CHN2: variants seen among roughly 807,000 people sequenced by gnomAD.
CHN2 encodes chimerin 2.
CHN2 carries 35 observed loss-of-function variants against 56.3 expected under a neutral mutation model. The observed-to-expected ratio is 0.62, with a 90% CI of 0.47 to 0.82. The LOEUF is 0.82. CHN2 is among the 40% of genes least tolerant of loss of function. The pLI is 0.00. For missense variants in CHN2, 491 were observed against 580.5 expected (o/e 0.85, Z 1.58); for synonymous variants, 210 against 212.8 (o/e 0.99, Z 0.12).
chr7:29,241,745 G>A (rs867954479), intron 1 of CHN2, among the ~76,000 whole-genome samples: 1 of 152,114 alleles, frequency 6.6e-6, no homozygotes, highest in Non-Finnish European at 1.5e-5. Flanking sequence ...TTGTCCAGGA[G>A]GAGGAAAGAC....
At chr7:29,200,475 T>TCCCCCCCCCCC (rs1223230192) in intron 1 of CHN2, among the ~76,000 whole-genome samples, 1 of 44,508 alleles carries the variant, frequency 2.2e-5, no homozygotes, top group African/African-American at 8.4e-5. Context: ...CCTCCCCCCT[T>TCCCCCCCCCCC]CCCCCCCCCT....
At chr7:29,473,562 A>G (rs12531664) in intron 6 of CHN2, among the ~76,000 whole-genome samples, 99,601 of 148,244 alleles carry the variant, frequency 0.67, 33,629 homozygotes, top group East Asian at 0.76. Flanking sequence ...ATAAAATTGG[A>G]GTCCTCAAAG....
In CHN2 at chr7:29,183,180, G is replaced by T. The variant is rs554482750; in HGVS notation, c.274+36220G>T. On this transcript the variant is annotated intron_variant, in intron 2 of 6. Transcript: ENST00000439384. ...GCTCATTGTAACCTCCGCCTCCCAGGTTCAAGCGATTCTCCTGCCTCAGCC... is the reference window on the plus strand; with the variant it reads ...GCTCATTGTAACCTCCGCCTCCCAGTTTCAAGCGATTCTCCTGCCTCAGCC... Among the ~76,000 whole-genome samples the T allele has an allele frequency of 2.8e-4, 43 of 151,618 alleles. 1 individual carries two copies. The highest frequency in any genetic ancestry group is 3.4e-3 in the Middle Eastern group (1 of 294).
intron 3 of CHN2, among the ~76,000 whole-genome samples, chr7:29,374,800 A>C (rs964606173): frequency 1.4e-5 from 1 of 69,110 alleles, no homozygotes; most frequent in African/African-American, 4.4e-5. Context: ...TTATTTCTTT[A>C]TTTCCTTCCT....
intron 4 of CHN2, chr7:29,397,526 C>T (rs1801853169): frequency 6.6e-6 from 1 of 152,238 alleles, no homozygotes; most frequent in African/African-American, 2.4e-5. Flanking sequence ...CCCAACCCAG[C>T]TTGCCCCACT....
chr7:29,190,381 C>G (rs928421396), upstream of CHN2, among the ~76,000 whole-genome samples: 2 of 152,156 alleles, frequency 1.3e-5, no homozygotes, highest in African/African-American at 4.8e-5. Flanking sequence ...CTGTGTTTAG[C>G]ACAGGGAAAG....
Position 29,329,376 on chromosome 7 carries a change from CAAAAAAA to C in CHN2, c.50-25229_50-25223del, listed in dbSNP as rs10667833. Among the ~76,000 whole-genome samples, 189 of 37,246 alleles carry C rather than the reference CAAAAAAA, an allele frequency of 5.1e-3. 1 individual carries two copies. Among genetic ancestry groups the C allele is most frequent in the African/African-American group, 0.017 (166 of 9,638 alleles). The allele number at this position is 37,246 out of a possible 152,430, so 24.4% of individuals were successfully genotyped here. On this transcript the variant is annotated intron_variant, in intron 1 of 12. Transcript: ENST00000222792. ...ACTAGCTTTAAACCTTCAGATAAGGCAAAAAAAAAAAAAAAAAAAAAAAAAAGTCAGC... is the reference window on the plus strand; with the variant it reads ...ACTAGCTTTAAACCTTCAGATAAGGCAAAAAAAAAAAAAAAAAAAGTCAGC...
At chr7:29,286,982 G>A (rs1792196952) in intron 1 of CHN2, among the ~76,000 whole-genome samples, 1 of 152,164 alleles carries the variant, frequency 6.6e-6, no homozygotes, top group South Asian at 2.1e-4. Flanking sequence ...CATTCACCTA[G>A]TATTCATTTA....
At chr7:29,497,512 A>T (rs1375490369) in intron 8 of CHN2, among the ~76,000 whole-genome samples, 2 of 150,776 alleles carry the variant, frequency 1.3e-5, no homozygotes, top group Admixed American at 1.3e-4. Flanking sequence ...TAAATAAGAC[A>T]TTTTCTGAGG....
chr7:29,250,899 G>A (rs1017467240), intron 1 of CHN2, among the ~76,000 whole-genome samples: 5 of 151,904 alleles, frequency 3.3e-5, no homozygotes, highest in South Asian at 2.1e-4. Context: ...TACTAGAGAC[G>A]AGCTTTCACC....
intron 9 of CHN2, among the ~76,000 whole-genome samples, chr7:29,504,236 C>G (rs2128585323): frequency 6.6e-6 from 1 of 152,124 alleles, no homozygotes; most frequent in South Asian, 2.1e-4. Context: ...TACAATATAG[C>G]ACATGGATTA....
At chr7:29,302,320 C>T (rs1585007017) in intron 1 of CHN2, among the ~76,000 whole-genome samples, 1 of 125,072 alleles carries the variant, frequency 8.0e-6, no homozygotes, top group Non-Finnish European at 1.6e-5. Context: ...TCCTTCCTTC[C>T]TTCTTTCTTC....
intron 6 of CHN2, among the ~76,000 whole-genome samples, chr7:29,455,358 T>A (rs907293670): frequency 6.6e-6 from 1 of 152,034 alleles, no homozygotes; most frequent in African/African-American, 2.4e-5. Context: ...TCCAATAGAA[T>A]GGTACATTTA....
chr7:29,189,772 C>G (rs745931459), intron 2 of CHN2, among the ~76,000 whole-genome samples: 2 of 152,084 alleles, frequency 1.3e-5, no homozygotes, highest in African/African-American at 2.4e-5. Context: ...CTGCATGTGC[C>G]GATCTGATCC....
chr7:29,305,665 G>C (rs1026891278), intron 1 of CHN2, among the ~76,000 whole-genome samples: 1 of 152,146 alleles, frequency 6.6e-6, no homozygotes, highest in Non-Finnish European at 1.5e-5. Context: ...AAGTTTACTT[G>C]TGTAGAAAGC....
chr7:29,219,877 C>T (rs1392575154), intron 1 of CHN2, among the ~76,000 whole-genome samples: 1 of 151,996 alleles, frequency 6.6e-6, no homozygotes, highest in Non-Finnish European at 1.5e-5. Context: ...AGATGGAGAC[C>T]ATCCTGGCTA....
At chr7:29,298,444 T>C (rs1342232426) in intron 1 of CHN2, among the ~76,000 whole-genome samples, 1 of 152,210 alleles carries the variant, frequency 6.6e-6, no homozygotes, top group South Asian at 2.1e-4. Context: ...AAGGTGAAGC[T>C]GTGGAACTTA....
At chr7:29,217,500 T>C (rs917264543) in intron 1 of CHN2, among the ~76,000 whole-genome samples, 3 of 152,220 alleles carry the variant, frequency 2.0e-5, no homozygotes, top group African/African-American at 7.2e-5. Flanking sequence ...CTTGGCACTT[T>C]TGTTAGCTGA....
intron 6 of CHN2, among the ~76,000 whole-genome samples, chr7:29,465,354 C>T (rs1318188603): frequency 1.3e-5 from 2 of 152,214 alleles, no homozygotes; most frequent in African/African-American, 4.8e-5. Flanking sequence ...ACTTTGAAAA[C>T]ATCATCTGCA....
Sources: gnomAD v4.1 joint callset for allele counts (sites outside exome capture counted in the v4.1 genomes callset) on GRCh38, gnomAD v4.1.1 for gene constraint, MANE v1.5 for transcripts, NCBI Gene and HGNC (gene_info 2026-07-23, HGNC 2026-07-21) for gene names.